Variants in GSE1 observed in about 807,000 individuals in gnomAD.
GSE1 encodes the protein genetic suppressor element 1.
Under a neutral mutation model 112.6 loss-of-function variants are expected in GSE1, and 32 were observed. The ratio of observed to expected loss-of-function variants is 0.28; its 90% CI spans 0.21 to 0.38. The LOEUF is 0.38. GSE1 is among the 10% of genes least tolerant of loss of function. The pLI is 1.00. For synonymous variants in GSE1, 1,115 were observed against 735.6 expected (o/e 1.52, Z -8.35); for missense variants, 2,348 against 1,699.2 (o/e 1.38, Z -6.71).
At chr16:85,295,880 C>G (rs1445292879) in intron 1 of GSE1, among the ~76,000 whole-genome samples, 2 of 151,678 alleles carry the variant, frequency 1.3e-5, no homozygotes, top group Non-Finnish European at 2.9e-5. Context: ...GCTGGGACTA[C>G]AGGTGTGAGC....
chr16:85,253,269 C>G (rs984223085), intron 1 of GSE1, among the ~76,000 whole-genome samples: 13 of 152,286 alleles, frequency 8.5e-5, no homozygotes, highest in African/African-American at 3.1e-4. Context: ...CTGCCCCAGT[C>G]CTGCCCTGGA....
intron 1 of GSE1, among the ~76,000 whole-genome samples, chr16:85,229,727 G>A (rs890464936): frequency 1.3e-5 from 2 of 152,188 alleles, no homozygotes; most frequent in Admixed American, 6.5e-5. Flanking sequence ...AGTGGAAAGC[G>A]CAGTTCGCAG....
chr16:85,436,816 G>A (rs2049257434), intron 2 of GSE1, among the ~76,000 whole-genome samples: 1 of 152,226 alleles, frequency 6.6e-6, no homozygotes, highest in South Asian at 2.1e-4. Flanking sequence ...CTGCCGGGCT[G>A]GTGGTGGGAG....
chr16:85,567,560 G>A (rs922709489), intron 1 of GSE1, among the ~76,000 whole-genome samples: 4 of 151,002 alleles, frequency 2.6e-5, no homozygotes, highest in Non-Finnish European at 4.4e-5. Context: ...CTCAAAACAT[G>A]GCGGCCCCAG....
chr16:85,422,966 T>A (rs1320928010), intron 2 of GSE1, among the ~76,000 whole-genome samples: 1 of 152,156 alleles, frequency 6.6e-6, no homozygotes, highest in Non-Finnish European at 1.5e-5. Context: ...GAGCTAATAT[T>A]GAACTTGCCT....
At chr16:85,397,888 A>C (rs1359310215) in intron 2 of GSE1, among the ~76,000 whole-genome samples, 1 of 152,100 alleles carries the variant, frequency 6.6e-6, no homozygotes. Flanking sequence ...TTCTGGAAGC[A>C]AATGAGCCCC....
intron 2 of GSE1, among the ~76,000 whole-genome samples, chr16:85,431,738 G>A (rs974343628): frequency 6.6e-6 from 1 of 152,148 alleles, no homozygotes; most frequent in African/African-American, 2.4e-5. Context: ...AGCACCCAGG[G>A]CCCAGAGGGT....
intron 2 of GSE1, among the ~76,000 whole-genome samples, chr16:85,385,084 G>T (rs1280110456): frequency 1.3e-5 from 2 of 152,342 alleles, no homozygotes; most frequent in East Asian, 1.9e-4. Context: ...CTGTTGCTCC[G>T]CCAGTCAGGA....
chr16:85,362,026 C>T (rs2047092671), intron 2 of GSE1, among the ~76,000 whole-genome samples: 2 of 152,178 alleles, frequency 1.3e-5, no homozygotes, highest in Non-Finnish European at 2.9e-5. Flanking sequence ...TTGAAGTGGC[C>T]GTCTGGGAGG....
At chr16:85,416,853 T>C (rs989620900) in intron 2 of GSE1, among the ~76,000 whole-genome samples, 2 of 152,058 alleles carry the variant, frequency 1.3e-5, no homozygotes, top group Middle Eastern at 3.2e-3. Context: ...TTTTGTTTGT[T>C]TGTTTGTTTT....
chr16:85,582,748 C>T (rs569732220), intron 1 of GSE1, among the ~76,000 whole-genome samples: 1 of 152,272 alleles, frequency 6.6e-6, no homozygotes, highest in South Asian at 2.1e-4. Context: ...ACAACCCCCC[C>T]TCGCCTCTTA....
At chr16:85,213,614 C>T (rs890315287) in intron 1 of GSE1, among the ~76,000 whole-genome samples, 5 of 152,234 alleles carry the variant, frequency 3.3e-5, no homozygotes, top group African/African-American at 1.2e-4. Flanking sequence ...GCACGGATTG[C>T]AACAGCCAGC....
chr16:85,302,290 A>T (rs2045549184), intron 1 of GSE1, among the ~76,000 whole-genome samples: 1 of 152,176 alleles, frequency 6.6e-6, no homozygotes, highest in Non-Finnish European at 1.5e-5. Context: ...ACTCGGAGTC[A>T]TCCTGACAGA....
intron 1 of GSE1, among the ~76,000 whole-genome samples, chr16:85,176,711 G>GC (rs1211329373): frequency 6.6e-6 from 1 of 152,244 alleles, no homozygotes; most frequent in Non-Finnish European, 1.5e-5. Context: ...CCCCGGCCAG[G>GC]CCCCCCGAGT....
At chr16:85,614,646 G>A (rs2048255482) in intron 1 of GSE1, among the ~76,000 whole-genome samples, 2 of 152,330 alleles carry the variant, frequency 1.3e-5, no homozygotes, top group East Asian at 3.9e-4. Flanking sequence ...TGGCGGTGGG[G>A]GAGCACCTGC....
intron 1 of GSE1, among the ~76,000 whole-genome samples, chr16:85,630,532 G>GT (rs1015897923): frequency 9.2e-5 from 14 of 152,174 alleles, no homozygotes; most frequent in African/African-American, 3.4e-4. Context: ...GCCCAGGCTG[G>GT]TTTTGAACTC....
At chr16:85,229,243 G>C (rs748124099) in intron 1 of GSE1, among the ~76,000 whole-genome samples, 2 of 152,250 alleles carry the variant, frequency 1.3e-5, no homozygotes, top group African/African-American at 2.4e-5. Context: ...CAGCCATGTC[G>C]GGTTGAGGGG....
intron 2 of GSE1, among the ~76,000 whole-genome samples, chr16:85,538,997 C>A (rs751634820): frequency 1.1e-4 from 17 of 152,198 alleles, no homozygotes; most frequent in African/African-American, 3.9e-4. Flanking sequence ...CCATGGCATC[C>A]GCCCTGGGTG....
intron 2 of GSE1, among the ~76,000 whole-genome samples, chr16:85,403,105 G>T (rs1157805602): frequency 6.6e-6 from 1 of 151,316 alleles, no homozygotes; most frequent in African/African-American, 2.4e-5. Context: ...GGGGGACTCA[G>T]TTCCTCTGGG....
Sources: allele counts gnomAD v4.1 joint callset (sites outside exome capture counted in the v4.1 genomes callset), GRCh38; gene constraint gnomAD v4.1.1; transcripts MANE v1.5; gene names NCBI Gene and HGNC (gene_info 2026-07-23, HGNC 2026-07-21).